GALNT10: variants seen among roughly 807,000 people sequenced by gnomAD.
GALNT10 encodes the protein polypeptide N-acetylgalactosaminyltransferase 10.
GALNT10 carries 41 observed loss-of-function variants against 75.0 expected under a neutral mutation model. That is an observed-to-expected ratio of 0.55 (90% CI 0.43 to 0.71). GALNT10 has a LOEUF of 0.71. Ranked by LOEUF, GALNT10 falls within the 30% of genes least tolerant of loss-of-function variation. GALNT10 has a pLI of 0.00. For missense variants in GALNT10, 727 were observed against 818.5 expected (o/e 0.89, Z 1.36); for synonymous variants, 302 against 313.0 (o/e 0.96, Z 0.37).
chr5:154,394,452 C>A lies in GALNT10; in HGVS notation c.1056+8022C>A, dbSNP rs1422666. Among the ~76,000 whole-genome samples, 12 of 151,956 alleles carry A rather than the reference C, an allele frequency of 7.9e-5. No individual in the cohort carries two copies. In the East Asian group the frequency reaches 1.9e-3, roughly 25 times the overall value. On this transcript the variant is annotated intron_variant, in intron 7 of 11. Coordinates refer to ENST00000297107, the MANE Select transcript of GALNT10 (RefSeq NM_198321.4). ...AGCTGAGCAAGGGTGATATTGCAAC[C>A]TGGCCCAGAGCGGTTAGGTGACTGG...
At chr5:154,305,326 A>G (rs1754418301) in intron 3 of GALNT10, among the ~76,000 whole-genome samples, 1 of 152,030 alleles carries the variant, frequency 6.6e-6, no homozygotes, top group Non-Finnish European at 1.5e-5. Context: ...AAGAAGAAAT[A>G]GAAACTACCA....
At chr5:154,305,412 G>A (rs1369090407) in intron 3 of GALNT10, among the ~76,000 whole-genome samples, 1 of 152,080 alleles carries the variant, frequency 6.6e-6, no homozygotes, top group African/African-American at 2.4e-5. Context: ...GTTAAAAGGT[G>A]GAGATTGTCA....
chr5:154,376,472 C>G lies in GALNT10; in HGVS notation c.754+10C>G. ...CTTCCCCCCTTGCTTGGTAAGGGAG[C>G]CCCTCCCACTTGGAGGGAGGCAAAC... On this transcript the variant is annotated intron_variant, in intron 5 of 11. Coordinates refer to ENST00000297107, the MANE Select transcript of GALNT10 (RefSeq NM_198321.4). The surrounding 1 kb of genome is among the most constrained non-coding windows in gnomAD (Gnocchi z 4.1). The G allele has an allele frequency of 2.6e-6, 4 of 1,559,964 alleles. No individual in the cohort carries two copies. The highest frequency in any genetic ancestry group is 3.5e-6 in the Non-Finnish European group (4 of 1,156,990).
At chr5:154,281,660 C>T (rs571396042) in intron 1 of GALNT10, among the ~76,000 whole-genome samples, 1 of 152,320 alleles carries the variant, frequency 6.6e-6, no homozygotes, top group South Asian at 2.1e-4. Flanking sequence ...AGCTGTTCCT[C>T]AGTCTTTCAA....
At chr5:154,380,378 A>G in intron 5 of GALNT10, 70 bp from the exon 6 acceptor site, 1 of 1,190,334 alleles carries the variant, frequency 8.4e-7, no homozygotes, top group South Asian at 1.4e-5. Flanking sequence ...AGTAAGCTGC[A>G]GAACAGGATG....
At chr5:154,410,963 G>A (rs1007420515) in intron 9 of GALNT10, among the ~76,000 whole-genome samples, 20 of 152,230 alleles carry the variant, frequency 1.3e-4, no homozygotes, top group Non-Finnish European at 2.2e-4. Flanking sequence ...TGTGAACTGC[G>A]CATGGTGTGG....
chr5:154,294,535 A>G (rs1272556868), intron 1 of GALNT10, among the ~76,000 whole-genome samples: 2 of 152,174 alleles, frequency 1.3e-5, no homozygotes, highest in Non-Finnish European at 2.9e-5. Context: ...CACACTGCAC[A>G]CTTTCTCCCT....
intron 1 of GALNT10, among the ~76,000 whole-genome samples, chr5:154,212,270 A>G (rs903501683): frequency 6.6e-6 from 1 of 152,246 alleles, no homozygotes; most frequent in Non-Finnish European, 1.5e-5. Context: ...ATGGATGAGC[A>G]GCTTTCCCCT....
intron 7 of GALNT10, 43 bp from the exon 8 acceptor site, chr5:154,404,061 G>C (rs1224678427): frequency 3.4e-6 from 5 of 1,482,684 alleles, no homozygotes; most frequent in Non-Finnish European, 4.7e-6. Context: ...ATGGTGAACT[G>C]GAAGCAGAAA....
intron 4 of GALNT10, among the ~76,000 whole-genome samples, chr5:154,342,080 CT>C (rs1375908523): frequency 6.6e-6 from 1 of 152,128 alleles, no homozygotes; most frequent in Non-Finnish European, 1.5e-5. Flanking sequence ...GTCATCATTC[CT>C]TCAGTGGTTG....
intron 1 of GALNT10, among the ~76,000 whole-genome samples, chr5:154,193,272 A>T (rs1456452909): frequency 6.6e-6 from 1 of 152,188 alleles, no homozygotes; most frequent in Admixed American, 6.5e-5. Flanking sequence ...GTGCTACAGG[A>T]TTCAGCATTC....
intron 1 of GALNT10, among the ~76,000 whole-genome samples, chr5:154,272,938 C>T (rs1432182412): frequency 7.0e-5 from 6 of 85,452 alleles, no homozygotes; most frequent in African/African-American, 2.2e-4. Flanking sequence ...ATTGTGTACT[C>T]TAGACGGTAG....
chr5:154,396,984 G>C (rs139522666), intron 7 of GALNT10, among the ~76,000 whole-genome samples: 1 of 151,950 alleles, frequency 6.6e-6, no homozygotes, highest in African/African-American at 2.4e-5. Flanking sequence ...AAAATCAGCT[G>C]GGCATGGTGG....
At chr5:154,226,234 C>T (rs1388950551) in intron 1 of GALNT10, among the ~76,000 whole-genome samples, 1 of 152,000 alleles carries the variant, frequency 6.6e-6, no homozygotes, top group Non-Finnish European at 1.5e-5. Flanking sequence ...CAGCTTTGAT[C>T]ACCATACTTT....
intron 1 of GALNT10, among the ~76,000 whole-genome samples, chr5:154,198,720 C>T (rs1163821903): frequency 6.6e-6 from 1 of 152,126 alleles, no homozygotes; most frequent in Non-Finnish European, 1.5e-5. Flanking sequence ...CAGCTCATAG[C>T]CTGCTGCCTC....
At chr5:154,209,468 A>G (rs1775160758) in intron 1 of GALNT10, among the ~76,000 whole-genome samples, 1 of 152,292 alleles carries the variant, frequency 6.6e-6, no homozygotes, top group Middle Eastern at 3.4e-3. Flanking sequence ...ACAGAATACT[A>G]TGGACTGTGT....
chr5:154,308,159 T>C (rs979366379), intron 3 of GALNT10, among the ~76,000 whole-genome samples: 7 of 151,754 alleles, frequency 4.6e-5, no homozygotes, highest in African/African-American at 1.7e-4. Flanking sequence ...TTTAAATCTT[T>C]TAAAAGATAA....
intron 4 of GALNT10, among the ~76,000 whole-genome samples, chr5:154,367,119 T>A (rs367955550): frequency 6.6e-6 from 1 of 152,184 alleles, no homozygotes; most frequent in East Asian, 1.9e-4. Context: ...AATAAATGTA[T>A]CCCAGTGAAT....
At chr5:154,293,747 G>A (rs113857250) in intron 1 of GALNT10, among the ~76,000 whole-genome samples, 3 of 151,788 alleles carry the variant, frequency 2.0e-5, no homozygotes, top group Non-Finnish European at 2.9e-5. Context: ...TTTTGCTTGC[G>A]GCACTCCTTC....
Sources: allele counts gnomAD v4.1 joint callset (sites outside exome capture counted in the v4.1 genomes callset), GRCh38; gene constraint gnomAD v4.1.1; non-coding constraint Gnocchi (gnomAD v3.1); transcripts MANE v1.5; gene names NCBI Gene and HGNC (gene_info 2026-07-23, HGNC 2026-07-21).